ROR1: variants seen among roughly 807,000 people sequenced by gnomAD.
The protein encoded by ROR1 is ROR family WNT receptor 1, also known as inactive tyrosine-protein kinase transmembrane receptor ROR1.
A neutral mutation model predicts 78.8 loss-of-function variants in ROR1; 19 were observed. The observed-to-expected ratio is 0.24, with a 90% CI of 0.17 to 0.35. The LOEUF is 0.35. Among genes scored for constraint, ROR1 ranks in the 10% least tolerant of loss-of-function variants. ROR1 has a pLI of 1.00. For synonymous variants in ROR1, 386 were observed against 433.6 expected (o/e 0.89, Z 1.36); for missense variants, 917 against 1,177.8 (o/e 0.78, Z 3.24).
chr1:63,892,039 A>C (rs564472846), intron 1 of ROR1, among the ~76,000 whole-genome samples: 1 of 152,230 alleles, frequency 6.6e-6, no homozygotes, highest in African/African-American at 2.4e-5. Context: ...AAGTATATTC[A>C]CCTTTAGTTT....
chr1:63,840,442 G>C (rs764537450), intron 1 of ROR1, among the ~76,000 whole-genome samples: 1 of 151,802 alleles, frequency 6.6e-6, no homozygotes, highest in Non-Finnish European at 1.5e-5. Flanking sequence ...ACCACGCCTA[G>C]CTAATTTTTT....
chr1:63,979,619 C>A (rs1048498262), intron 1 of ROR1, among the ~76,000 whole-genome samples: 19 of 152,090 alleles, frequency 1.2e-4, no homozygotes, highest in African/African-American at 4.6e-4. Flanking sequence ...CTTTGGGTGT[C>A]CCTCATTGGT....
At chr1:64,079,214 G>A (rs574362323) in intron 4 of ROR1, among the ~76,000 whole-genome samples, 7 of 152,238 alleles carry the variant, frequency 4.6e-5, no homozygotes, top group Admixed American at 2.6e-4. Context: ...GTAAGTAAGT[G>A]TACATTAAAA....
intron 8 of ROR1, among the ~76,000 whole-genome samples, chr1:64,161,682 T>C (rs757990201): frequency 6.6e-6 from 1 of 152,198 alleles, no homozygotes; most frequent in African/African-American, 2.4e-5. Context: ...CCTTGCTAAA[T>C]CTCCCAGTGT....
chr1:63,963,990 A>C (rs1646054471), intron 1 of ROR1, among the ~76,000 whole-genome samples: 1 of 152,186 alleles, frequency 6.6e-6, no homozygotes, highest in South Asian at 2.1e-4. Context: ...TTCCATTTAT[A>C]CTACTTACTT....
chr1:63,790,937 A>G (rs757514976), intron 1 of ROR1, among the ~76,000 whole-genome samples: 1 of 152,072 alleles, frequency 6.6e-6, no homozygotes, highest in Non-Finnish European at 1.5e-5. Flanking sequence ...TCCTACAGCA[A>G]CTCTGCCTTA....
intron 2 of ROR1, 126 bp downstream of exon 2, chr1:64,009,502 T>A: frequency 1.5e-6 from 1 of 666,824 alleles, no homozygotes; most frequent in Non-Finnish European, 2.7e-6. Flanking sequence ...CCAAAATAAA[T>A]CCCCAGCTTA....
Position 64,009,347 on chromosome 1 carries a change from CA to C in ROR1, c.135del (p.Trp46GlyfsTer13). Reference sequence around the variant, plus strand: ...AGTGCTGAATTAGTGCCTACCTCATCATGGAACATCTCAAGTGAACTCAACA... The same window carrying C: ...AGTGCTGAATTAGTGCCTACCTCATCTGGAACATCTCAAGTGAACTCAACA... ...SVSAELVPTS[S>X]WNISSELNKD... On this transcript the variant is annotated frameshift_variant, in exon 2 of 9. Coordinates refer to ENST00000371079, the MANE Select transcript of ROR1 (RefSeq NM_005012.4). LOFTEE classifies it high-confidence loss of function. 1 of 1,613,702 alleles carries C rather than the reference CA, an allele frequency of 6.2e-7. No homozygotes were observed. Among genetic ancestry groups the C allele is most frequent in the Non-Finnish European group, 8.5e-7 (1 of 1,179,648 alleles).
At chr1:64,164,197 G>A (rs1397323573) in intron 8 of ROR1, among the ~76,000 whole-genome samples, 1 of 152,130 alleles carries the variant, frequency 6.6e-6, no homozygotes, top group African/African-American at 2.4e-5. Context: ...CCCCTTGAGT[G>A]TAATGATTTC....
chr1:63,955,596 G>GT (rs1645974633), intron 1 of ROR1, among the ~76,000 whole-genome samples: 1 of 152,112 alleles, frequency 6.6e-6, no homozygotes, highest in Non-Finnish European at 1.5e-5. Flanking sequence ...GCTGCTTCCT[G>GT]TTTTTGTGTT....
rs117804461 is a variant in ROR1 at position 64,033,305 on chromosome 1, C to T, written c.164-16386C>T. Among the ~76,000 whole-genome samples, 104 of 152,114 alleles carry T rather than the reference C, an allele frequency of 6.8e-4. 1 individual carries two copies. In the East Asian group the frequency reaches 0.012, roughly 18 times the overall value. Reference sequence around the variant, plus strand: ...GTTGTTTTCAAAATAATTGCATATACGTGGTTGCATCTGACAGTCACCAAA... The same window carrying T: ...GTTGTTTTCAAAATAATTGCATATATGTGGTTGCATCTGACAGTCACCAAA... On this transcript the variant is annotated intron_variant, in intron 2 of 8. Transcript: ENST00000371079.
At chr1:63,822,837 C>T (rs1473822809) in intron 1 of ROR1, among the ~76,000 whole-genome samples, 1 of 152,098 alleles carries the variant, frequency 6.6e-6, no homozygotes, top group Non-Finnish European at 1.5e-5. Flanking sequence ...AATTTTTGTG[C>T]ATATCCATGA....
intron 1 of ROR1, among the ~76,000 whole-genome samples, chr1:63,812,322 A>T (rs1644864821): frequency 6.6e-6 from 1 of 152,222 alleles, no homozygotes. Context: ...ACATGCATTT[A>T]CATATCATCT....
intron 1 of ROR1, among the ~76,000 whole-genome samples, chr1:63,871,985 G>A (rs1645254236): frequency 6.6e-6 from 1 of 152,194 alleles, no homozygotes; most frequent in South Asian, 2.1e-4. Flanking sequence ...ATGCTGTTGA[G>A]ATTTAACGCC....
chr1:63,816,692 G>A (rs1304654542), intron 1 of ROR1, among the ~76,000 whole-genome samples: 1 of 152,196 alleles, frequency 6.6e-6, no homozygotes, highest in Non-Finnish European at 1.5e-5. Flanking sequence ...CACACCTTGA[G>A]GTTGTTGAGG....
intron 1 of ROR1, among the ~76,000 whole-genome samples, chr1:63,819,523 G>C (rs1644912039): frequency 1.3e-5 from 2 of 152,128 alleles, no homozygotes; most frequent in South Asian, 4.2e-4. Context: ...ATGGAAAAAA[G>C]GTATGGATAG....
chr1:63,810,601 T>A (rs1644855099), intron 1 of ROR1, among the ~76,000 whole-genome samples: 1 of 152,186 alleles, frequency 6.6e-6, no homozygotes, highest in Non-Finnish European at 1.5e-5. Flanking sequence ...AGAGAAGCCT[T>A]CACAGAAAAG....
chr1:63,866,984 G>A (rs1254564570), intron 1 of ROR1, among the ~76,000 whole-genome samples: 14 of 152,180 alleles, frequency 9.2e-5, no homozygotes, highest in Non-Finnish European at 2.9e-5. Flanking sequence ...CACTGGATAG[G>A]CATAGTGAAA....
At chr1:63,893,310 C>A (rs2100392108) in intron 1 of ROR1, among the ~76,000 whole-genome samples, 1 of 152,190 alleles carries the variant, frequency 6.6e-6, no homozygotes, top group South Asian at 2.1e-4. Flanking sequence ...GCTTAGGGCC[C>A]TGTTTCTCCA....
Sources: gnomAD v4.1 joint callset for allele counts (sites outside exome capture counted in the v4.1 genomes callset) on GRCh38, gnomAD v4.1.1 for gene constraint, MANE v1.5 for transcripts, NCBI Gene and HGNC (gene_info 2026-07-23, HGNC 2026-07-21) for gene names.